Variants in OSMR observed in about 807,000 individuals in gnomAD.
OSMR encodes oncostatin M receptor.
Under a neutral mutation model 99.9 loss-of-function variants are expected in OSMR, and 81 were observed. The observed-to-expected ratio is 0.81, with a 90% CI of 0.68 to 0.97. OSMR has a LOEUF of 0.97. Among genes scored for constraint, OSMR ranks in the 50% least tolerant of loss-of-function variants. The probability of loss-of-function intolerance (pLI) is 0.00; values close to 1 mark genes in which losing one functional copy is unlikely to be tolerated. For synonymous variants in OSMR, 406 were observed against 410.4 expected (o/e 0.99, Z 0.13); for missense variants, 1,099 against 1,153.4 (o/e 0.95, Z 0.68).
In OSMR at chr5:38,923,202, A is replaced by G. The variant is rs778398009; in HGVS notation, c.1818A>G (p.Thr606=). The change falls in exon 13 of 18, where the codon ACA becomes ACG. Residue 606 remains threonine (T), a synonymous_variant. Coordinates refer to ENST00000274276, the MANE Select transcript of OSMR (RefSeq NM_003999.3). ...RYDFRIYGLS[T]KRIACLLEKK... ...ACTTCAGAATTTATGGGTTATCTAC[A>G]AAAAGGATTGCTTGTTTATTAGAGA... 5.6e-6 allele frequency: 9 copies of G among 1,613,064 alleles called. No homozygotes were observed. The Admixed American group carries it at 1.5e-4, about 27-fold the overall frequency.
At chr5:38,918,003 T>C (rs1219036567) in intron 10 of OSMR, among the ~76,000 whole-genome samples, 2 of 152,134 alleles carry the variant, frequency 1.3e-5, no homozygotes, top group Admixed American at 1.3e-4. Flanking sequence ...ATAAAATAAA[T>C]TTTATCCTTC....
chr5:38,942,272 AGTAT>A (rs1247270211), intron 1 of OSMR: 1 of 1,269,022 alleles, frequency 7.9e-7, no homozygotes, highest in Non-Finnish European at 1.1e-6. Flanking sequence ...GAATATATAT[AGTAT>A]GTATCTATAT....
chr5:38,852,718 A>ATT (rs61559728), intron 1 of OSMR, among the ~76,000 whole-genome samples: 1,397 of 70,496 alleles, frequency 0.02, 322 homozygotes, highest in Non-Finnish European at 0.024. Flanking sequence ...TATTGTTTTC[A>ATT]TTTTTTTTTT....
chr5:38,909,730 G>C (rs1434207385), intron 9 of OSMR, among the ~76,000 whole-genome samples: 1 of 152,158 alleles, frequency 6.6e-6, no homozygotes, highest in African/African-American at 2.4e-5. Context: ...TTAAGGAAGT[G>C]CCAAATATGA....
At chr5:38,856,335 T>G (rs1740837194) in intron 1 of OSMR, among the ~76,000 whole-genome samples, 1 of 152,180 alleles carries the variant, frequency 6.6e-6, no homozygotes, top group Non-Finnish European at 1.5e-5. Context: ...TTGATATACT[T>G]TATTGATTTT....
intron 3 of OSMR, among the ~76,000 whole-genome samples, chr5:38,879,957 G>A (rs1743147261): frequency 6.6e-6 from 1 of 152,182 alleles, no homozygotes; most frequent in Admixed American, 6.5e-5. Flanking sequence ...ATGTTAAATA[G>A]TGAGGGTTTC....
chr5:38,917,399 G>T, intron 9 of OSMR, 147 bp from the exon 10 acceptor site: 1 of 1,459,384 alleles, frequency 6.9e-7, no homozygotes, highest in Admixed American at 2.1e-5. Flanking sequence ...TGGACCAGTG[G>T]GTAGAAGTCA....
chr5:38,894,198 A>G (rs1744339207), intron 7 of OSMR, among the ~76,000 whole-genome samples: 1 of 152,228 alleles, frequency 6.6e-6, no homozygotes, highest in Non-Finnish European at 1.5e-5. Flanking sequence ...TGGAAACAAA[A>G]GAACAATACC....
At chr5:38,908,372 C>A (rs1215249196) in intron 9 of OSMR, among the ~76,000 whole-genome samples, 2 of 152,218 alleles carry the variant, frequency 1.3e-5, no homozygotes, top group African/African-American at 4.8e-5. Flanking sequence ...AGGAACCCTG[C>A]AGCCCTACTC....
intron 2 of OSMR, 87 bp from the exon 3 acceptor site, chr5:38,876,114 A>AATG: frequency 6.4e-7 from 1 of 1,563,484 alleles, no homozygotes; most frequent in Non-Finnish European, 8.7e-7. Context: ...AGAGCTAAAT[A>AATG]ATGATGATAT....
intron 1 of OSMR, chr5:38,942,227 G>A (rs1483781059): frequency 9.5e-6 from 8 of 840,258 alleles, no homozygotes; most frequent in Admixed American, 3.7e-5. Context: ...CTAGTCAGTC[G>A]TATTTTCTGA....
rs150180329 is a variant in OSMR, at chr5:38,922,925, G to A, written c.1766-225G>A. 2.3e-3 allele frequency: 364 copies of A among 155,376 alleles called. 2 individuals are homozygous for A. The highest frequency in any genetic ancestry group is 7.9e-3 in the African/African-American group (330 of 41,532). 9.6% of individuals were successfully genotyped at this position (155,376 alleles called of 1,614,324 possible). A position where few individuals can be genotyped will look rare whatever the true frequency, so the allele number is the denominator to read the frequency against. ...CCGGTAGCTGGGGTTACAGGTGCCC[G>A]CCATTAAATCTGGCTAATTTTTCTG... On this transcript the variant is annotated intron_variant, in intron 12 of 17. Coordinates refer to ENST00000274276, the MANE Select transcript of OSMR (RefSeq NM_003999.3).
At chr5:38,906,170 T>TG (rs1313429446) in intron 9 of OSMR, among the ~76,000 whole-genome samples, 2 of 93,362 alleles carry the variant, frequency 2.1e-5, no homozygotes, top group Non-Finnish European at 4.7e-5. Context: ...TTACGTTTTC[T>TG]GTTTTTTTTT....
At position 38,904,507 on chromosome 5, in the gene OSMR, T is replaced by C; in HGVS notation, c.1285+4T>C. On this transcript the variant is annotated splice_donor_region_variant and intron_variant, in intron 9 of 17. Transcript: ENST00000274276. The stretch of plus-strand genomic sequence containing the variant: ...AACTTCACCACACTTGAAGCTGGTA[T>C]GTTCAGCCCCTGGCATTTAACCCAA... The C allele has an allele frequency of 6.2e-7, 1 of 1,614,160 alleles. No individual in the cohort carries two copies. The highest frequency in any genetic ancestry group is 1.3e-5 in the African/African-American group (1 of 75,030).
At chr5:38,936,897 CGAA>C (rs1315229997), downstream of OSMR, among the ~76,000 whole-genome samples, 2 of 152,056 alleles carry the variant, frequency 1.3e-5, no homozygotes, top group African/African-American at 4.8e-5. Context: ...AAATCAATAC[CGAA>C]GTAGTACCGT....
downstream of OSMR, chr5:38,937,846 C>T (rs376500527): frequency 8.1e-5 from 14 of 171,812 alleles, 1 homozygote; most frequent in Admixed American, 1.9e-4. The surrounding 1 kb of genome is among the most constrained non-coding windows in gnomAD (Gnocchi z 4.0). Context: ...GTGTCAGCAT[C>T]GGCATTACAG....
chr5:38,857,814 C>T lies in OSMR; in HGVS notation c.-13-11218C>T, dbSNP rs375239699. 2.4e-3 allele frequency among the ~76,000 whole-genome samples: 372 copies of T among 151,942 alleles called. 1 individual carries two copies. The highest frequency in any genetic ancestry group is 8.6e-3 in the African/African-American group (356 of 41,422). ...TCCCGAGTAGCTGGGACTATGGAGGCGTGCCACCATGCCTGGCTAATTTTT... is the reference window on the plus strand; with the variant it reads ...TCCCGAGTAGCTGGGACTATGGAGGTGTGCCACCATGCCTGGCTAATTTTT... On this transcript the variant is annotated intron_variant, in intron 1 of 17. Coordinates refer to ENST00000274276, the MANE Select transcript of OSMR (RefSeq NM_003999.3).
intron 1 of OSMR, among the ~76,000 whole-genome samples, chr5:38,855,717 AC>A (rs1740784824): frequency 1.5e-5 from 1 of 67,198 alleles, no homozygotes; most frequent in Non-Finnish European, 2.9e-5. Context: ...CCACCGCCAC[AC>A]CCCCCCACCT....
rs150863392 is a variant in OSMR, at chr5:38,933,838, A to G, written c.*394A>G. On this transcript the variant is annotated 3_prime_UTR_variant, in exon 18 of 18. Coordinates refer to ENST00000274276, the MANE Select transcript of OSMR (RefSeq NM_003999.3). ...AATATTTCCATTAACAGCAATTATT[A>G]TATTGAAGGCTTTAATAAAGGCCAC... The G allele has an allele frequency of 3.7e-3, 726 of 198,266 alleles. 8 individuals carry two copies. Among genetic ancestry groups the G allele is most frequent in the African/African-American group, 0.016 (700 of 43,116 alleles). 12.3% of individuals were successfully genotyped at this position (198,266 alleles called of 1,614,324 possible).
Sources: allele counts gnomAD v4.1 joint callset (sites outside exome capture counted in the v4.1 genomes callset), GRCh38; gene constraint gnomAD v4.1.1; non-coding constraint Gnocchi (gnomAD v3.1); transcripts MANE v1.5; gene names NCBI Gene and HGNC (gene_info 2026-07-23, HGNC 2026-07-21).